Variants in KIAA1217 observed in about 807,000 individuals in gnomAD.
KIAA1217 encodes KIAA1217, also known as sickle tail protein homolog.
In KIAA1217, 88 loss-of-function variants were observed where a neutral mutation model predicts 163.9. That is an observed-to-expected ratio of 0.54 (90% CI 0.45 to 0.64). KIAA1217 has a LOEUF of 0.64. KIAA1217 is among the 30% of genes least tolerant of loss of function. KIAA1217 has a pLI of 0.00. For synonymous variants in KIAA1217, 903 were observed against 923.1 expected, an observed-to-expected ratio of 0.98 and a Z score of 0.39; for missense variants, 2,372 against 2,475.0, an observed-to-expected ratio of 0.96 and a Z score of 0.88.
At chr10:23,850,198 G>GA (rs1201229807) in intron 1 of KIAA1217, among the ~76,000 whole-genome samples, 2 of 152,202 alleles carry the variant, frequency 1.3e-5, no homozygotes, top group East Asian at 3.9e-4. Context: ...GCCTCTGAAA[G>GA]AAACAGAATA....
intron 1 of KIAA1217, among the ~76,000 whole-genome samples, chr10:23,949,105 C>T (rs868836320): frequency 6.6e-6 from 1 of 152,164 alleles, no homozygotes; most frequent in Admixed American, 6.5e-5. Context: ...CCTTACTGAC[C>T]TTTCACCTTT....
chr10:24,439,873 C>A (rs146454836), intron 5 of KIAA1217, among the ~76,000 whole-genome samples: 3 of 152,300 alleles, frequency 2.0e-5, no homozygotes, highest in African/African-American at 7.2e-5. Context: ...GACTGGCAAT[C>A]TTGACTCCCC....
chr10:24,544,020 G>A lies in KIAA1217; in HGVS notation c.4750G>A (p.Ala1584Thr), dbSNP rs771733667. Reference protein sequence around the residue: ...KFKFPKKQLAALTQAIRTGTK... With the variant: ...KFKFPKKQLATLTQAIRTGTK... ...CAAATTCCCTAAGAAGCAACTCGCC[G>A]CTCTCACTCAAGCCATTCGCACCGG... is the stretch of plus-strand genomic sequence containing the variant. The change falls in exon 19 of 21, where the codon GCT becomes ACT. Residue 1584 changes from alanine to threonine, a missense_variant. Physicochemically the swap from Ala to Thr is moderately conservative, Grantham distance 58. Around this residue, in one of 3 missense-constraint regions of KIAA1217, gnomAD observed 690 missense variants for 677.5 expected, o/e 1.02. Coordinates refer to ENST00000376454, the MANE Select transcript of KIAA1217 (RefSeq NM_019590.5). 4.3e-6 allele frequency: 7 copies of A among 1,613,990 alleles called. No individual in the cohort carries two copies. Among genetic ancestry groups the A allele is most frequent in the South Asian group, 2.2e-5 (2 of 91,074 alleles).
intron 2 of KIAA1217, among the ~76,000 whole-genome samples, chr10:24,163,090 A>T (rs2065191604): frequency 6.6e-6 from 1 of 152,220 alleles, no homozygotes; most frequent in African/African-American, 2.4e-5. Flanking sequence ...GTCAGGAAGC[A>T]GGCATCACTG....
At chr10:23,936,604 C>T (rs189476863) in intron 1 of KIAA1217, among the ~76,000 whole-genome samples, 54 of 152,134 alleles carry the variant, frequency 3.5e-4, no homozygotes, top group Admixed American at 2.6e-3. Flanking sequence ...ATTAGAGTGA[C>T]GCCTGTAAAG....
chr10:24,500,221 T>TGTC (rs556967529), intron 8 of KIAA1217, among the ~76,000 whole-genome samples: 2 of 102,700 alleles, frequency 1.9e-5, no homozygotes, highest in African/African-American at 3.9e-5. Flanking sequence ...GTGTGTGTCT[T>TGTC]TATTAGTAAC....
chr10:24,521,436 G>A (rs2071261764), intron 11 of KIAA1217, among the ~76,000 whole-genome samples: 1 of 152,150 alleles, frequency 6.6e-6, no homozygotes, highest in Non-Finnish European at 1.5e-5. Context: ...GAGCCCAGGT[G>A]TTTGAGGCTC....
At chr10:23,893,921 C>T (rs1184168103) in intron 1 of KIAA1217, among the ~76,000 whole-genome samples, 2 of 151,820 alleles carry the variant, frequency 1.3e-5, no homozygotes, top group African/African-American at 4.8e-5. Context: ...CAGAAAAGGC[C>T]TTTGACAAAA....
At chr10:24,434,625 C>T (rs2059881565) in intron 4 of KIAA1217, among the ~76,000 whole-genome samples, 1 of 152,202 alleles carries the variant, frequency 6.6e-6, no homozygotes, top group Admixed American at 6.5e-5. Flanking sequence ...CGTGGGCCAC[C>T]ACACCTGGCT....
intron 1 of KIAA1217, among the ~76,000 whole-genome samples, chr10:23,778,673 A>C (rs746772764): frequency 6.6e-6 from 1 of 152,174 alleles, no homozygotes; most frequent in African/African-American, 2.4e-5. Context: ...AGTCCTGGCT[A>C]TTTGGGGCCA....
intron 3 of KIAA1217, among the ~76,000 whole-genome samples, chr10:24,385,745 C>G (rs2053919473): frequency 6.6e-6 from 1 of 152,168 alleles, no homozygotes; most frequent in Admixed American, 6.5e-5. Context: ...CTCCTTTACT[C>G]TCTCTTCAGT....
chr10:24,536,369 G>A (rs949340807), intron 16 of KIAA1217, among the ~76,000 whole-genome samples: 1 of 152,056 alleles, frequency 6.6e-6, no homozygotes, highest in Non-Finnish European at 1.5e-5. Flanking sequence ...AGCTTTTGCT[G>A]TATAATTTCA....
chr10:23,899,950 CT>C (rs1200466159), intron 1 of KIAA1217, among the ~76,000 whole-genome samples: 1 of 151,350 alleles, frequency 6.6e-6, no homozygotes, highest in East Asian at 2.0e-4. Context: ...CTTCCTCTCT[CT>C]CTTTCTCTCT....
chr10:23,937,074 C>T (rs965921401), intron 1 of KIAA1217, among the ~76,000 whole-genome samples: 13 of 152,036 alleles, frequency 8.6e-5, no homozygotes, highest in Admixed American at 2.6e-4. Context: ...AGGTTTTCGC[C>T]GTGTTAGGCA....
At chr10:24,418,618 T>G (rs935819204) in intron 3 of KIAA1217, among the ~76,000 whole-genome samples, 2 of 152,140 alleles carry the variant, frequency 1.3e-5, no homozygotes, top group African/African-American at 4.8e-5. Context: ...ACAAGAAAAA[T>G]TTTAGATTAA....
chr10:23,831,338 A>T (rs1005678807), intron 1 of KIAA1217, among the ~76,000 whole-genome samples: 1 of 152,186 alleles, frequency 6.6e-6, no homozygotes, highest in Non-Finnish European at 1.5e-5. Flanking sequence ...CAAAAAGAGT[A>T]AAAAGATGGC....
At chr10:23,965,164 C>T (rs1845007173) in intron 1 of KIAA1217, among the ~76,000 whole-genome samples, 1 of 152,220 alleles carries the variant, frequency 6.6e-6, no homozygotes. Flanking sequence ...TAAAAATACA[C>T]AAACACACAC....
chr10:23,763,000 A>G (rs1307603627), intron 1 of KIAA1217, among the ~76,000 whole-genome samples: 1 of 152,186 alleles, frequency 6.6e-6, no homozygotes, highest in East Asian at 1.9e-4. Flanking sequence ...ATCATGAATG[A>G]ACTCCCATTC....
intron 2 of KIAA1217, among the ~76,000 whole-genome samples, chr10:24,146,657 G>A (rs939782400): frequency 2.6e-5 from 4 of 151,542 alleles, no homozygotes; most frequent in South Asian, 2.1e-4. Flanking sequence ...CACACCAGCC[G>A]AAATGACACA....
Sources: gnomAD v4.1 joint callset for allele counts (sites outside exome capture counted in the v4.1 genomes callset) on GRCh38, gnomAD v4.1.1 for gene constraint, gnomAD v4.1.1 regional missense constraint, MANE v1.5 for transcripts, NCBI Gene and HGNC (gene_info 2026-07-23, HGNC 2026-07-21) for gene names.